CSMD1: variants seen among roughly 807,000 people sequenced by gnomAD.
CSMD1 encodes the protein CUB and Sushi multiple domains 1.
Under a neutral mutation model 417.5 loss-of-function variants are expected in CSMD1, and 213 were observed. The observed-to-expected ratio is 0.51, with a 90% confidence interval of 0.46 to 0.57. The LOEUF (loss-of-function observed/expected upper bound fraction) is 0.57, where lower values mean the gene tolerates loss of function less well. Among genes scored for constraint, CSMD1 ranks in the 20% least tolerant of loss-of-function variants. CSMD1 has a pLI of 0.00. For missense variants in CSMD1, 6,923 were observed against 4,529.7 expected, an observed-to-expected ratio of 1.53 and a Z score of -15.17; for synonymous variants, 2,862 against 1,736.8, an observed-to-expected ratio of 1.65 and a Z score of -16.11.
At chr8:4,175,221 G>C (rs189821761) in intron 3 of CSMD1, among the ~76,000 whole-genome samples, 37 of 152,076 alleles carry the variant, frequency 2.4e-4, no homozygotes, top group Admixed American at 8.5e-4. Context: ...AGTCACTAAG[G>C]TGATCTCACA....
intron 30 of CSMD1, among the ~76,000 whole-genome samples, chr8:3,211,212 TTTTAA>T (rs1797587628): frequency 6.6e-6 from 1 of 152,082 alleles, no homozygotes; most frequent in African/African-American, 2.4e-5. Context: ...ACACAGCTAA[TTTTAA>T]TTTTTTTTGT....
intron 5 of CSMD1, among the ~76,000 whole-genome samples, chr8:3,754,630 T>C (rs1797552910): frequency 6.6e-6 from 1 of 152,092 alleles, no homozygotes; most frequent in South Asian, 2.1e-4. Context: ...ACTTTTTATA[T>C]TTTTACTAGA....
intron 7 of CSMD1, among the ~76,000 whole-genome samples, chr8:3,701,855 A>G (rs940622532): frequency 3.3e-5 from 5 of 152,202 alleles, no homozygotes; most frequent in Non-Finnish European, 7.3e-5. Context: ...AACAAAAGCC[A>G]GAGGGAGATG....
chr8:3,480,246 C>T (rs1005237677), intron 11 of CSMD1, among the ~76,000 whole-genome samples: 1 of 152,122 alleles, frequency 6.6e-6, no homozygotes, highest in Non-Finnish European at 1.5e-5. Context: ...CCTGTAGTCC[C>T]TACTACTCAG....
intron 3 of CSMD1, among the ~76,000 whole-genome samples, chr8:4,265,016 A>G (rs1026112627): frequency 3.9e-5 from 6 of 152,312 alleles, no homozygotes; most frequent in African/African-American, 1.4e-4. Context: ...TGTCAAGTAT[A>G]TAAATTTAAG....
chr8:4,428,504 C>G (rs943022787), intron 2 of CSMD1, among the ~76,000 whole-genome samples: 4 of 152,110 alleles, frequency 2.6e-5, no homozygotes, highest in Non-Finnish European at 5.9e-5. Flanking sequence ...GTGTATCTCT[C>G]TCTACATGTC....
chr8:4,882,601 G>C (rs1206554803), intron 1 of CSMD1, among the ~76,000 whole-genome samples: 2 of 151,868 alleles, frequency 1.3e-5, no homozygotes, highest in South Asian at 4.2e-4. Flanking sequence ...CATAGAGAAA[G>C]ATGCAATGAG....
In CSMD1 at chr8:3,710,565, G is replaced by C. The variant is rs548166968; in HGVS notation, c.932-2074C>G. ...TTTGGGACTGTCTTCCCTCACTGAT[G>C]TCACTAAGCACCTGCTTCCTCTCTG... is the stretch of plus-strand genomic sequence containing the variant. On this transcript the variant is annotated intron_variant, in intron 6 of 69. Coordinates refer to ENST00000635120, the MANE Select transcript of CSMD1 (RefSeq NM_033225.6). Among the ~76,000 whole-genome samples the C allele has an allele frequency of 1.3e-3, 195 of 152,264 alleles. 2 individuals carry two copies. Among genetic ancestry groups the C allele is most frequent in the African/African-American group, 4.5e-3 (186 of 41,544 alleles).
At chr8:4,284,950 G>A (rs1262247168) in intron 3 of CSMD1, among the ~76,000 whole-genome samples, 1 of 152,118 alleles carries the variant, frequency 6.6e-6, no homozygotes, top group Non-Finnish European at 1.5e-5. Flanking sequence ...AAGACCTTGG[G>A]CAAAGTAACC....
intron 3 of CSMD1, among the ~76,000 whole-genome samples, chr8:4,360,456 T>G (rs768104952): frequency 1.3e-5 from 2 of 152,174 alleles, no homozygotes; most frequent in Non-Finnish European, 2.9e-5. Context: ...AAGAGCCCGT[T>G]ATCATAACCT....
intron 18 of CSMD1, among the ~76,000 whole-genome samples, chr8:3,380,919 T>C (rs1008451574): frequency 2.6e-5 from 4 of 151,994 alleles, no homozygotes; most frequent in African/African-American, 9.7e-5. Flanking sequence ...GGTTAGATAG[T>C]AAAATATTTT....
chr8:3,416,676 T>C (rs1420578625), intron 12 of CSMD1, among the ~76,000 whole-genome samples: 1 of 152,118 alleles, frequency 6.6e-6, no homozygotes, highest in Non-Finnish European at 1.5e-5. Flanking sequence ...TGTGGCCACA[T>C]CCCCTGCTAA....
intron 23 of CSMD1, among the ~76,000 whole-genome samples, chr8:3,341,380 T>C (rs1807631265): frequency 6.6e-6 from 1 of 152,182 alleles, no homozygotes; most frequent in Non-Finnish European, 1.5e-5. Flanking sequence ...TAAATCTTCT[T>C]CTGGATACTT....
At chr8:4,580,255 C>T (rs1385459405) in intron 2 of CSMD1, among the ~76,000 whole-genome samples, 1 of 152,182 alleles carries the variant, frequency 6.6e-6, no homozygotes, top group Non-Finnish European at 1.5e-5. Flanking sequence ...GCCCTCTGCT[C>T]TCGGCTGTGG....
intron 11 of CSMD1, among the ~76,000 whole-genome samples, chr8:3,488,645 T>A (rs1057031725): frequency 3.9e-5 from 6 of 152,198 alleles, no homozygotes; most frequent in African/African-American, 7.2e-5. Flanking sequence ...CGCTGAGTCC[T>A]AGCATAATAT....
intron 3 of CSMD1, among the ~76,000 whole-genome samples, chr8:4,038,299 C>G (rs1381534776): frequency 2.0e-5 from 3 of 151,780 alleles, no homozygotes; most frequent in African/African-American, 4.8e-5. Flanking sequence ...GTTTCAAACA[C>G]CAAAAAACGC....
At chr8:3,185,017 A>G (rs754947064) in intron 36 of CSMD1, among the ~76,000 whole-genome samples, 2 of 152,148 alleles carry the variant, frequency 1.3e-5, no homozygotes, top group Non-Finnish European at 2.9e-5. Context: ...TCTTAATCAT[A>G]TGTATAAGTC....
chr8:4,001,945 A>G (rs566607924), intron 4 of CSMD1, among the ~76,000 whole-genome samples: 3 of 152,332 alleles, frequency 2.0e-5, no homozygotes, highest in African/African-American at 7.2e-5. Flanking sequence ...TTCAGTAGAT[A>G]TGTTAATGTC....
intron 26 of CSMD1, among the ~76,000 whole-genome samples, chr8:3,241,875 C>T (rs1433097142): frequency 6.6e-6 from 1 of 151,870 alleles, no homozygotes; most frequent in Non-Finnish European, 1.5e-5. Flanking sequence ...TAATTAAGTC[C>T]TGTTGTGGGG....
Sources: gnomAD v4.1 joint callset for allele counts (sites outside exome capture counted in the v4.1 genomes callset) on GRCh38, gnomAD v4.1.1 for gene constraint, MANE v1.5 for transcripts, NCBI Gene and HGNC (gene_info 2026-07-23, HGNC 2026-07-21) for gene names.